The following LATS2 variants were observed in gnomAD, a reference collection of about 807,000 sequenced individuals.
The protein encoded by LATS2 is large tumor suppressor kinase 2.
In LATS2, 24 loss-of-function variants were observed where a neutral mutation model predicts 76.0. The ratio of observed to expected loss-of-function variants is 0.32; its 90% CI spans 0.23 to 0.44. LATS2 has a LOEUF of 0.44. LATS2 is among the 20% of genes least tolerant of loss of function. The pLI is 1.00. For missense variants in LATS2, 1,286 were observed against 1,481.2 expected, an observed-to-expected ratio of 0.87 and a Z score of 2.16; for synonymous variants, 692 against 635.4, an observed-to-expected ratio of 1.09 and a Z score of -1.34.
intron 2 of LATS2, among the ~76,000 whole-genome samples, chr13:21,033,304 C>A (rs1162989635): frequency 2.6e-5 from 4 of 151,800 alleles, no homozygotes; most frequent in Non-Finnish European, 5.9e-5. Flanking sequence ...AACACACGCT[C>A]CTGGTGTAGA....
At position 20,979,704 on chromosome 13, in the gene LATS2, T is replaced by C; in HGVS notation, c.2759A>G (p.Glu920Gly). The change falls in exon 7 of 8, where the codon GAA (glutamate) becomes GGA (glycine). Residue 920 changes from glutamate (E) to glycine (G), a missense_variant. Around this residue, in one of 5 missense-constraint regions of LATS2, gnomAD observed 210 missense variants for 234.9 expected, o/e 0.89. Transcript: ENST00000382592. ...QPPFLAPTPT[E>G]TQLKVINWEN... is the part of the protein sequence containing the mutation. ...CTCTCACATTACCTTCAGCTGGGTTTCTGTGGGAGTAGGTGCCAAAAAGGG... is the reference window on the plus strand; with the variant it reads ...CTCTCACATTACCTTCAGCTGGGTTCCTGTGGGAGTAGGTGCCAAAAAGGG... 1 of 1,605,280 alleles carries C rather than the reference T, an allele frequency of 6.2e-7. No individual in the cohort carries two copies.
In LATS2 at chr13:20,988,937, C is replaced by T. The variant is rs1216222669; in HGVS notation, c.843G>A (p.Pro281=). The T allele has an allele frequency of 3.3e-6, 5 of 1,527,312 alleles. No homozygotes were observed. In the East Asian group the frequency reaches 7.3e-5, roughly 22 times the overall value. 94.6% of individuals were successfully genotyped at this position (1,527,312 alleles called of 1,614,324 possible). A position where few individuals can be genotyped will look rare whatever the true frequency, so the allele number is the denominator to read the frequency against. Reference sequence around the variant, plus strand: ...GCAGGCTGGCGTAACCCCCGGTCTCCGGCGGCGTCTTGCTCTGGAAGGAGG... The same window carrying T: ...GCAGGCTGGCGTAACCCCCGGTCTCTGGCGGCGTCTTGCTCTGGAAGGAGG... ...RSPSFQSKTP[P]ETGGYASLPT... is the part of the protein sequence containing the mutation. The change falls in exon 4 of 8, where the codon CCG becomes CCA. Residue 281 remains proline, a synonymous_variant. Transcript: ENST00000382592.
At chr13:20,977,983 T>C (rs1869703297) in intron 7 of LATS2, among the ~76,000 whole-genome samples, 1 of 152,060 alleles carries the variant, frequency 6.6e-6, no homozygotes, top group Non-Finnish European at 1.5e-5. Context: ...TGGCGTGATC[T>C]CGGCTCACTG....
intron 2 of LATS2, among the ~76,000 whole-genome samples, chr13:21,033,140 G>A (rs560347393): frequency 2.0e-5 from 3 of 152,038 alleles, no homozygotes; most frequent in African/African-American, 7.2e-5. Flanking sequence ...AAAAATAGCA[G>A]GCCACCGGAG....
At chr13:21,003,744 A>T (rs903378996) in intron 2 of LATS2, among the ~76,000 whole-genome samples, 1 of 150,876 alleles carries the variant, frequency 6.6e-6, no homozygotes, top group Non-Finnish European at 1.5e-5. Flanking sequence ...ACCAGGCCTA[A>T]TTTTTGTCTT....
intron 2 of LATS2, among the ~76,000 whole-genome samples, chr13:21,044,733 TG>T (rs1873002991): frequency 7.8e-6 from 1 of 128,902 alleles, no homozygotes; most frequent in African/African-American, 3.0e-5. Context: ...TGTGTGTGTG[TG>T]TGTGTTTTAA....
At position 20,974,292 on chromosome 13, in the gene LATS2, AT is replaced by A. The variant is rs1382723769; in HGVS notation, c.*577del. On this transcript the variant is annotated 3_prime_UTR_variant, in exon 8 of 8. Coordinates refer to ENST00000382592, the MANE Select transcript of LATS2 (RefSeq NM_014572.3). ...GCTCACACTTCCTATTATACTAGAT[AT>A]GCAAAAAGCCAAAAAAAGCAGCTTT... 1 of 224,562 alleles carries A rather than the reference AT, an allele frequency of 4.5e-6. No homozygotes were observed. Among genetic ancestry groups the A allele is most frequent in the African/African-American group, 2.2e-5 (1 of 44,720 alleles). 13.9% of individuals were successfully genotyped at this position (224,562 alleles called of 1,614,324 possible).
rs191195613 is a variant in LATS2 at position 21,040,017 on chromosome 13, A to G, written c.342+5668T>C. ...GAATCCGGAAGGCAGAGGTTGCAGTAAGCCGAGATAGCTCCATTGTATTCC... is the reference window on the plus strand; with the variant it reads ...GAATCCGGAAGGCAGAGGTTGCAGTGAGCCGAGATAGCTCCATTGTATTCC... On this transcript the variant is annotated intron_variant, in intron 2 of 7. Transcript: ENST00000382592. 8.7e-4 allele frequency among the ~76,000 whole-genome samples: 133 copies of G among 152,114 alleles called. 1 individual carries two copies. The highest frequency in any genetic ancestry group is 1.5e-3 in the Admixed American group (23 of 15,272).
intron 2 of LATS2, among the ~76,000 whole-genome samples, chr13:21,023,680 A>C (rs1485333411): frequency 2.1e-4 from 1 of 4,670 alleles, no homozygotes; most frequent in African/African-American, 3.4e-4. Flanking sequence ...AAAAAAAAAA[A>C]AAACAAACCT....
chr13:21,024,453 T>C (rs771043141), intron 2 of LATS2, among the ~76,000 whole-genome samples: 11 of 152,054 alleles, frequency 7.2e-5, no homozygotes, highest in Non-Finnish European at 1.5e-4. Context: ...TAATAAATGA[T>C]AATAAATAAT....
intron 7 of LATS2, among the ~76,000 whole-genome samples, chr13:20,978,303 G>T (rs185569296): frequency 6.6e-6 from 1 of 152,050 alleles, no homozygotes; most frequent in Non-Finnish European, 1.5e-5. Flanking sequence ...GACCACCAGG[G>T]CATGTGAAAA....
At chr13:20,996,267 A>C (rs1870744489) in intron 2 of LATS2, among the ~76,000 whole-genome samples, 1 of 152,040 alleles carries the variant, frequency 6.6e-6, no homozygotes, top group Admixed American at 6.6e-5. Context: ...CTAACTTACC[A>C]GTTCTCTCAG....
intron 2 of LATS2, among the ~76,000 whole-genome samples, chr13:21,043,165 C>T (rs1039004522): frequency 6.6e-6 from 1 of 151,790 alleles, no homozygotes; most frequent in African/African-American, 2.4e-5. Context: ...TAGTGAAACC[C>T]CGTCTCTGCT....
intron 2 of LATS2, among the ~76,000 whole-genome samples, chr13:21,028,160 ATGAG>A (rs374700037): frequency 3.3e-5 from 5 of 151,866 alleles, no homozygotes; most frequent in African/African-American, 1.2e-4. Context: ...ATTCCCATCT[ATGAG>A]TGAGAACATG....
At chr13:21,045,537 T>C in intron 2 of LATS2, 148 bp downstream of exon 2, 1 of 599,382 alleles carries the variant, frequency 1.7e-6, no homozygotes, top group Non-Finnish European at 2.9e-6. Flanking sequence ...TTCAATTATG[T>C]GTTAAAAGGG....
intron 2 of LATS2, among the ~76,000 whole-genome samples, chr13:21,042,988 A>AC (rs1275777491): frequency 2.4e-5 from 3 of 123,686 alleles, no homozygotes; most frequent in African/African-American, 7.7e-5. Context: ...CGTCTCAAAA[A>AC]AAAAACCAAA....
At chr13:21,036,988 A>C (rs1872704507) in intron 2 of LATS2, among the ~76,000 whole-genome samples, 1 of 152,234 alleles carries the variant, frequency 6.6e-6, no homozygotes, top group Non-Finnish European at 1.5e-5. Flanking sequence ...CATTCCTAAA[A>C]TGTATTCTAA....
At chr13:21,007,655 ATATATATAGTGTG>A (rs1871365747) in intron 2 of LATS2, among the ~76,000 whole-genome samples, 2 of 15,138 alleles carry the variant, frequency 1.3e-4, no homozygotes, top group African/African-American at 9.1e-4. Flanking sequence ...GTGTGTGTAT[ATATATATAGTGTG>A]TATATATATA....
intron 2 of LATS2, among the ~76,000 whole-genome samples, chr13:21,038,840 G>A (rs926227478): frequency 5.3e-5 from 8 of 152,150 alleles, no homozygotes; most frequent in African/African-American, 1.4e-4. Flanking sequence ...TTAGCCGGGC[G>A]TGGTGGTGCA....
Sources: allele counts gnomAD v4.1 joint callset (sites outside exome capture counted in the v4.1 genomes callset), GRCh38; gene constraint gnomAD v4.1.1; regional missense constraint gnomAD v4.1.1; transcripts MANE v1.5; gene names NCBI Gene and HGNC (gene_info 2026-07-23, HGNC 2026-07-21).